Variants in PAK4 observed in about 807,000 individuals in gnomAD.
The protein encoded by PAK4 is p21 (RAC1) activated kinase 4, also known as serine/threonine-protein kinase PAK 4.
PAK4 carries 49 observed loss-of-function variants against 53.5 expected under a neutral mutation model. The observed-to-expected ratio is 0.92, with a 90% CI of 0.73 to 1.16. PAK4 has a LOEUF of 1.16. Among genes scored for constraint, PAK4 ranks in the 50% most tolerant of loss-of-function variants. The pLI is 0.00. For synonymous variants in PAK4, 376 were observed against 375.6 expected (o/e 1.00, Z -0.01); for missense variants, 824 against 850.7 (o/e 0.97, Z 0.39).
intron 1 of PAK4, among the ~76,000 whole-genome samples, chr19:39,133,748 C>T (rs527969659): frequency 2.0e-5 from 3 of 152,326 alleles, no homozygotes; most frequent in East Asian, 3.9e-4. Flanking sequence ...CTCCTGCCAC[C>T]TGTCCTGGGA....
intron 1 of PAK4, 142 bp from the exon 3 acceptor site, chr19:39,169,390 G>T: frequency 1.5e-6 from 1 of 651,968 alleles, no homozygotes; most frequent in Non-Finnish European, 2.7e-6. Context: ...ATGGGCGCAG[G>T]GGGTGGGCAG....
exon 2 of PAK4, chr19:39,169,660 C>G: frequency 6.2e-7 from 1 of 1,613,500 alleles, no homozygotes; most frequent in Non-Finnish European, 8.5e-7. Context: ...ACGGGGCTGC[C>G]CCGCCAGTGG....
Position 39,173,194 on chromosome 19 carries a change from A to T in PAK4, c.481A>T (p.Lys161Ter). Residue 161 changes from lysine (K) to a stop codon, truncating the protein, a stop_gained, in exon 3 of 9, where the codon AAG becomes TAG. Transcript: ENST00000358301. LOFTEE classifies it high-confidence loss of function. This position sits in a 1 kb window ranked among gnomAD's most constrained non-coding sequence, Gnocchi z 6.9. ...ACGGGCGGGGCCAGAGAAGAGGCCC[A>T]AGTCTTCCAGGGAGGGCTCAGGGGG... 2 of 1,547,220 alleles carry T rather than the reference A, an allele frequency of 1.3e-6. No homozygotes were observed. The highest frequency in any genetic ancestry group is 1.7e-6 in the Non-Finnish European group (2 of 1,144,176).
chr19:39,157,636 G>T (rs1318825091), intron 1 of PAK4, among the ~76,000 whole-genome samples: 2 of 152,212 alleles, frequency 1.3e-5, no homozygotes, highest in African/African-American at 2.4e-5. Flanking sequence ...GAGGCTCTTG[G>T]TAAATGTCCT....
chr19:39,129,142 C>T (rs1249945489), intron 1 of PAK4, among the ~76,000 whole-genome samples: 4 of 152,150 alleles, frequency 2.6e-5, no homozygotes, highest in Admixed American at 2.0e-4. Flanking sequence ...CTCCTGGGCT[C>T]AAGCTATCCT....
exon 4 of PAK4, chr19:39,174,008 G>A (rs1171528629): frequency 2.5e-6 from 4 of 1,581,412 alleles, no homozygotes; most frequent in Admixed American, 3.5e-5. Flanking sequence ...GCTCTTCAAC[G>A]AGGTGCGGGC....
At chr19:39,170,464 T>C (rs927978273) in intron 2 of PAK4, among the ~76,000 whole-genome samples, 2 of 152,106 alleles carry the variant, frequency 1.3e-5, no homozygotes, top group African/African-American at 4.8e-5. Context: ...TGCCTCCATG[T>C]GAAATCATAA....
chr19:39,172,204 G>A (rs947450279), intron 2 of PAK4, among the ~76,000 whole-genome samples: 6 of 151,694 alleles, frequency 4.0e-5, no homozygotes, highest in Admixed American at 2.0e-4. Context: ...AGCCGCCAGC[G>A]GAGAGGCCCT....
chr19:39,172,169 G>T (rs1374900660), intron 2 of PAK4, among the ~76,000 whole-genome samples: 1 of 151,656 alleles, frequency 6.6e-6, no homozygotes, highest in Admixed American at 6.6e-5. Flanking sequence ...CAGGGACCCT[G>T]AGAGCTGATG....
At chr19:39,180,408 A>C (rs959041494), downstream of PAK4, 2 of 152,058 alleles carry the variant, frequency 1.3e-5, no homozygotes, top group East Asian at 3.9e-4. Flanking sequence ...CTCCAGAATA[A>C]ATAAAAGGTT....
chr19:39,126,563 A>G (rs373748472), intron 1 of PAK4, among the ~76,000 whole-genome samples: 36 of 151,682 alleles, frequency 2.4e-4, no homozygotes, highest in African/African-American at 7.5e-4. Context: ...CCTCTTTTTA[A>G]CGCTTTACTT....
chr19:39,170,777 G>A (rs930756663), intron 2 of PAK4, among the ~76,000 whole-genome samples: 2 of 152,248 alleles, frequency 1.3e-5, no homozygotes, highest in African/African-American at 4.8e-5. Flanking sequence ...GGTCCGTGTG[G>A]TCCTTGCAGG....
intron 1 of PAK4, among the ~76,000 whole-genome samples, chr19:39,150,253 C>T (rs1451442039): frequency 6.6e-6 from 1 of 152,012 alleles, no homozygotes; most frequent in Non-Finnish European, 1.5e-5. Context: ...CTCTGGCTTC[C>T]TCTCTCTTTT....
At chr19:39,164,644 G>A (rs2074339710) in intron 1 of PAK4, among the ~76,000 whole-genome samples, 1 of 152,242 alleles carries the variant, frequency 6.6e-6, no homozygotes, top group Middle Eastern at 3.4e-3. Context: ...CATTTTGGGG[G>A]CCAGCAAAGG....
chr19:39,174,073 C>G, intron 4 of PAK4, 63 bp downstream of exon 5: 1 of 975,228 alleles, frequency 1.0e-6, no homozygotes, highest in East Asian at 2.6e-5. Flanking sequence ...ACCCTCCCTC[C>G]CCTCCTCCCT....
chr19:39,162,856 T>C (rs549752799), intron 1 of PAK4, among the ~76,000 whole-genome samples: 15 of 151,886 alleles, frequency 9.9e-5, no homozygotes, highest in African/African-American at 3.6e-4. Flanking sequence ...CACTTGTGGG[T>C]GGAGTAGGTG....
At chr19:39,149,963 A>G (rs2074066484) in intron 1 of PAK4, among the ~76,000 whole-genome samples, 1 of 152,218 alleles carries the variant, frequency 6.6e-6, no homozygotes, top group African/African-American at 2.4e-5. Context: ...TTTATTGGGT[A>G]CATAGTTTTT....
intron 1 of PAK4, among the ~76,000 whole-genome samples, chr19:39,167,030 G>A (rs997797696): frequency 6.6e-5 from 10 of 152,230 alleles, no homozygotes; most frequent in African/African-American, 9.6e-5. Context: ...GAGGCCAGGC[G>A]TCGGAGGACA....
chr19:39,177,542 C>G (rs544942550), intron 7 of PAK4, 133 bp from the exon 9 acceptor site: 1 of 951,902 alleles, frequency 1.1e-6, no homozygotes, highest in South Asian at 2.1e-5. Context: ...GCTGGGTGCC[C>G]AAGAGGGAGT....
Sources: gnomAD v4.1 joint callset for allele counts (sites outside exome capture counted in the v4.1 genomes callset) on GRCh38, gnomAD v4.1.1 for gene constraint, Gnocchi (gnomAD v3.1) non-coding constraint, MANE v1.5 for transcripts, NCBI Gene and HGNC (gene_info 2026-07-23, HGNC 2026-07-21) for gene names.